C10orf105: variants seen among roughly 807,000 people sequenced by gnomAD.
C10orf105 encodes uncharacterized protein C10orf105.
Under a neutral mutation model 0.6 loss-of-function variants are expected in C10orf105, and 2 were observed. The ratio of observed to expected loss-of-function variants is 3.18; its 90% CI spans 1.30 to 10.01. The LOEUF (loss-of-function observed/expected upper bound fraction) is 10.01. C10orf105 is among the 30% of genes most tolerant of loss of function. C10orf105 has a pLI of 0.04. For synonymous variants in C10orf105, 95 were observed against 82.4 expected (o/e 1.15, Z -0.83); for missense variants, 209 against 191.4 (o/e 1.09, Z -0.54).
intron 1 of C10orf105, among the ~76,000 whole-genome samples, chr10:71,735,747 A>C (rs961359747): frequency 6.6e-6 from 1 of 152,136 alleles, no homozygotes; most frequent in South Asian, 2.1e-4. Flanking sequence ...TTCTAGCGGC[A>C]CTGGTTGTGG....
chr10:71,724,025 C>G (rs934679525), upstream of C10orf105: 2 of 1,554,156 alleles, frequency 1.3e-6, no homozygotes, highest in Middle Eastern at 1.7e-4. Flanking sequence ...AGAAGTAACT[C>G]GTGTCTCATT....
upstream of C10orf105, among the ~76,000 whole-genome samples, chr10:71,723,550 C>T (rs181446180): frequency 3.2e-4 from 48 of 152,286 alleles, no homozygotes; most frequent in Admixed American, 1.1e-3. Flanking sequence ...GAGGAGGGCT[C>T]CTGGGCTTCC....
chr10:71,731,897 C>T, intron 1 of C10orf105: 3 of 1,448,556 alleles, frequency 2.1e-6, no homozygotes, highest in South Asian at 1.4e-5. Context: ...GTGGGCCACC[C>T]AGGGGGTATG....
intron 1 of C10orf105, among the ~76,000 whole-genome samples, chr10:71,728,612 G>A (rs913343140): frequency 6.6e-6 from 1 of 152,154 alleles, no homozygotes. Context: ...CCCTCCCTTA[G>A]TGCTGGTCAC....
At chr10:71,729,358 C>A (rs16929269) in intron 1 of C10orf105, among the ~76,000 whole-genome samples, 4,366 of 152,266 alleles carry the variant, frequency 0.029, 229 homozygotes, top group African/African-American at 0.1. Flanking sequence ...CAGGGTGCAA[C>A]CAGCAAGGAA....
At chr10:71,727,378 A>T (rs1189431053) in intron 1 of C10orf105, among the ~76,000 whole-genome samples, 1 of 152,230 alleles carries the variant, frequency 6.6e-6, no homozygotes, top group African/African-American at 2.4e-5. Flanking sequence ...TAAGGTGAGA[A>T]TTTGAGGGCT....
At position 71,713,273 on chromosome 10, in the gene C10orf105, G is replaced by T; in HGVS notation, c.*2663C>A. On this transcript the variant is annotated 3_prime_UTR_variant, in exon 2 of 2. Transcript: ENST00000441508. Reference sequence around the variant, plus strand: ...AAAGGGCTCCTTTGCCCAGGGAGCAGGCGCAACAGCTCCAAGGCTCAGAGG... The same window carrying T: ...AAAGGGCTCCTTTGCCCAGGGAGCATGCGCAACAGCTCCAAGGCTCAGAGG... 1.3e-6 allele frequency: 1 copy of T among 779,472 alleles called. No individual in the cohort carries two copies. The highest frequency in any genetic ancestry group is 1.3e-5 in the South Asian group (1 of 74,550). 48.3% of individuals were successfully genotyped at this position (779,472 alleles called of 1,614,324 possible).
upstream of C10orf105, among the ~76,000 whole-genome samples, chr10:71,720,773 T>G (rs1340182334): frequency 6.6e-6 from 1 of 152,162 alleles, no homozygotes; most frequent in South Asian, 2.1e-4. Flanking sequence ...ATCTAACTCC[T>G]CTTCTGAGAG....
intron 1 of C10orf105, chr10:71,732,552 A>T: frequency 7.6e-7 from 1 of 1,314,536 alleles, no homozygotes; most frequent in Non-Finnish European, 1.0e-6. Context: ...AGATTGCTTC[A>T]GCTCAGGAGT....
intron 1 of C10orf105, among the ~76,000 whole-genome samples, chr10:71,729,823 C>T (rs562708296): frequency 2.3e-4 from 35 of 151,822 alleles, no homozygotes; most frequent in African/African-American, 7.7e-4. Context: ...GGAGTGTGAA[C>T]TATTTTATTA....
rs1866196279 is a variant in C10orf105, at chr10:71,715,902, AG to A, written c.*33del. On this transcript the variant is annotated 3_prime_UTR_variant, in exon 2 of 2. Coordinates refer to ENST00000441508, the MANE Select transcript of C10orf105 (RefSeq NM_001164375.3). Reference sequence around the variant, plus strand: ...AGCAGGAGGATCTACAGGTAGACCTAGGGGGATGTGGGGGCATGTTTGTGGA... The same window carrying A: ...AGCAGGAGGATCTACAGGTAGACCTAGGGGATGTGGGGGCATGTTTGTGGA... 4 of 1,442,678 alleles carry A rather than the reference AG, an allele frequency of 2.8e-6. No individual in the cohort carries two copies. Among genetic ancestry groups the A allele is most frequent in the Non-Finnish European group, 3.7e-6 (4 of 1,094,716 alleles). 89.4% of individuals were successfully genotyped at this position (1,442,678 alleles called of 1,614,324 possible).
In C10orf105 at chr10:71,716,328, C is replaced by T; in HGVS notation, c.10G>A (p.Glu4Lys). MST[E>K]GPSLASSPAI... ...GGGGAGCTGGCGAGGCTGGGGCCCT[C>T]TGTGCTCATGGCTCCTGCAACAGCA... The change falls in exon 2 of 2, where the codon GAG becomes AAG. Residue 4 changes from glutamate (E) to lysine (K), a missense_variant. By Grantham distance (56) the Glu-to-Lys change is moderately conservative (BLOSUM62 1). Transcript: ENST00000441508. 6.7e-7 allele frequency: 1 copy of T among 1,485,002 alleles called. No individual in the cohort carries two copies. The highest frequency in any genetic ancestry group is 9.0e-7 in the Non-Finnish European group (1 of 1,112,332). The allele number at this position is 1,485,002 out of a possible 1,614,324, so 92.0% of individuals were successfully genotyped here. A position where few individuals can be genotyped will look rare whatever the true frequency, so the allele number is the denominator to read the frequency against.
In C10orf105 at chr10:71,719,647, G is replaced by C. The variant is rs907989358; in HGVS notation, c.-26C>G. The C allele has an allele frequency of 6.5e-6, 1 of 152,722 alleles. No homozygotes were observed. The highest frequency in any genetic ancestry group is 2.1e-4 in the South Asian group (1 of 4,840). The allele number at this position is 152,722 out of a possible 1,614,324, so 9.5% of individuals were successfully genotyped here. The stretch of plus-strand genomic sequence containing the variant: ...CTGACCTCAGAGCCAGACCCCAGCC[G>C]TCCGGAGCTCCGTGGAGAGGTCTTC... On this transcript the variant is annotated 5_prime_UTR_variant, in exon 1 of 2. Transcript: ENST00000441508.
chr10:71,713,683 T>C lies in C10orf105; in HGVS notation c.*2253A>G. On this transcript the variant is annotated 3_prime_UTR_variant, in exon 2 of 2. Transcript: ENST00000441508. ...GGTTCTCTCGATCAGGGCCTCAGCT[T>C]GTGAGGACTTGGAGCATACCCCCCT... The C allele has an allele frequency of 4.5e-6, 1 of 222,704 alleles. No individual in the cohort carries two copies. The highest frequency in any genetic ancestry group is 9.1e-6 in the Non-Finnish European group (1 of 109,788). The allele number at this position is 222,704 out of a possible 1,614,324, so 13.8% of individuals were successfully genotyped here.
chr10:71,733,393 G>C (rs1056932628), intron 1 of C10orf105, among the ~76,000 whole-genome samples: 2 of 152,180 alleles, frequency 1.3e-5, no homozygotes, highest in African/African-American at 4.8e-5. Context: ...TGAATCTCCA[G>C]CCTCTGTCCT....
At chr10:71,718,404 G>A (rs1025996160) in intron 1 of C10orf105, among the ~76,000 whole-genome samples, 5 of 137,006 alleles carry the variant, frequency 3.6e-5, no homozygotes, top group Non-Finnish European at 7.8e-5. Context: ...GGCAGAAAAC[G>A]ACCCCTCCCA....
intron 1 of C10orf105, among the ~76,000 whole-genome samples, chr10:71,733,720 T>C (rs1408263286): frequency 1.3e-5 from 2 of 152,274 alleles, no homozygotes; most frequent in African/African-American, 4.8e-5. Flanking sequence ...TCTTAGCTAG[T>C]TGTCTGGTAC....
intron 1 of C10orf105, chr10:71,734,478 A>C: frequency 6.6e-7 from 1 of 1,519,540 alleles, no homozygotes; most frequent in Non-Finnish European, 8.9e-7. Flanking sequence ...AGGCTTCGCC[A>C]TGTCCAGCCA....
Position 71,732,116 on chromosome 10 carries a change from A to G in C10orf105, c.-6+5612T>C, listed in dbSNP as rs149073355. On this transcript the variant is annotated intron_variant, in intron 1 of 1. Transcript: ENST00000398786. ...GAGACCAAGACCAGCTACATGATGA[A>G]TGTGTCGGCCACTGACCAGGCCCCG... The G allele has an allele frequency of 5.1e-3, 8,233 of 1,613,988 alleles. 22 individuals are homozygous for G. Among genetic ancestry groups the G allele is most frequent in the Non-Finnish European group, 6.4e-3 (7,590 of 1,179,876 alleles).
Sources: allele counts gnomAD v4.1 joint callset (sites outside exome capture counted in the v4.1 genomes callset), GRCh38; gene constraint gnomAD v4.1.1; transcripts MANE v1.5; gene names NCBI Gene and HGNC (gene_info 2026-07-23, HGNC 2026-07-21).